Variants in C8orf34 observed in about 807,000 individuals in gnomAD.
The protein encoded by C8orf34 is chromosome 8 open reading frame 34.
A neutral mutation model predicts 68.3 loss-of-function variants in C8orf34; 65 were observed. The observed-to-expected ratio is 0.95, with a 90% CI of 0.78 to 1.17. The LOEUF is 1.17. Among genes scored for constraint, C8orf34 ranks in the 50% most tolerant of loss-of-function variants. C8orf34 has a pLI of 0.00. For missense variants in C8orf34, 664 were observed against 655.4 expected, an observed-to-expected ratio of 1.01 and a Z score of -0.14; for synonymous variants, 244 against 241.2, an observed-to-expected ratio of 1.01 and a Z score of -0.11.
chr8:68,457,971 G>A (rs1042770960), intron 3 of C8orf34, among the ~76,000 whole-genome samples: 9 of 151,750 alleles, frequency 5.9e-5, no homozygotes, highest in Non-Finnish European at 1.2e-4. Context: ...TCCAAAGACG[G>A]CATACCAGAC....
chr8:68,464,802 A>G (rs1283279466), intron 3 of C8orf34, among the ~76,000 whole-genome samples: 1 of 152,068 alleles, frequency 6.6e-6, no homozygotes, highest in Non-Finnish European at 1.5e-5. Context: ...AATCAATTCA[A>G]GATGGATTAA....
At chr8:68,337,048 G>C (rs1004900875) in intron 1 of C8orf34, among the ~76,000 whole-genome samples, 6 of 152,152 alleles carry the variant, frequency 3.9e-5, no homozygotes, top group African/African-American at 1.4e-4. Context: ...AAAGTAGAAG[G>C]ATGATGGAAT....
At chr8:68,674,780 C>T (rs1026556152) in intron 8 of C8orf34, among the ~76,000 whole-genome samples, 6 of 152,076 alleles carry the variant, frequency 3.9e-5, no homozygotes, top group South Asian at 2.1e-4. Flanking sequence ...TCAATGTCCA[C>T]GTACAAGAAG....
Position 68,551,995 on chromosome 8 carries a change from C to A in C8orf34, c.1105+18846C>A, listed in dbSNP as rs565062244. ...CAATTTGTCAAAAGATGAATTTTTTCCATTGAATTTGCTTGGTATTCTTGT... is the reference window on the plus strand; with the variant it reads ...CAATTTGTCAAAAGATGAATTTTTTACATTGAATTTGCTTGGTATTCTTGT... On this transcript the variant is annotated intron_variant, in intron 7 of 13. Coordinates refer to ENST00000518698, the MANE Select transcript of C8orf34 (RefSeq NM_052958.4). Among the ~76,000 whole-genome samples, 4 of 152,144 alleles carry A rather than the reference C, an allele frequency of 2.6e-5. No homozygotes were observed. In the East Asian group the frequency reaches 7.7e-4, roughly 29 times the overall value.
chr8:68,529,605 T>A (rs1040870560), intron 6 of C8orf34, among the ~76,000 whole-genome samples: 1 of 152,142 alleles, frequency 6.6e-6, no homozygotes, highest in Non-Finnish European at 1.5e-5. Flanking sequence ...ACAGACCCTC[T>A]GGAATGTATT....
chr8:68,785,672 C>T (rs1203792272), intron 11 of C8orf34, among the ~76,000 whole-genome samples: 1 of 152,128 alleles, frequency 6.6e-6, no homozygotes, highest in African/African-American at 2.4e-5. Flanking sequence ...TTCTTGGATT[C>T]CCCAACTTCC....
chr8:68,664,147 T>C (rs1432627780), intron 8 of C8orf34, among the ~76,000 whole-genome samples: 1 of 152,154 alleles, frequency 6.6e-6, no homozygotes, highest in African/African-American at 2.4e-5. Context: ...AAACTTCCTT[T>C]TCCTTGGTCA....
At chr8:68,367,675 C>T (rs866000197) in intron 1 of C8orf34, among the ~76,000 whole-genome samples, 30 of 142,154 alleles carry the variant, frequency 2.1e-4, no homozygotes, top group African/African-American at 8.0e-4. Context: ...CACATATTCT[C>T]ACTCATAGGT....
At chr8:68,434,839 G>A (rs1463344827) in intron 1 of C8orf34, among the ~76,000 whole-genome samples, 2 of 152,194 alleles carry the variant, frequency 1.3e-5, no homozygotes, top group East Asian at 1.9e-4. Flanking sequence ...AAGGTCAGGA[G>A]TTCAAGACCA....
chr8:68,517,937 T>C (rs968423229), intron 5 of C8orf34, among the ~76,000 whole-genome samples: 1 of 152,228 alleles, frequency 6.6e-6, no homozygotes, highest in African/African-American at 2.4e-5. Flanking sequence ...CTTTATAGGA[T>C]GAAAATCTGC....
At chr8:68,747,756 A>C (rs1442202485) in intron 10 of C8orf34, among the ~76,000 whole-genome samples, 1 of 151,738 alleles carries the variant, frequency 6.6e-6, no homozygotes, top group Non-Finnish European at 1.5e-5. Context: ...AAATGGAAGA[A>C]CATTCCATGC....
intron 8 of C8orf34, among the ~76,000 whole-genome samples, chr8:68,704,395 C>G (rs1475661481): frequency 2.0e-5 from 3 of 151,996 alleles, no homozygotes; most frequent in African/African-American, 7.2e-5. Context: ...AATAACAAAA[C>G]ACCTGAAAAA....
chr8:68,612,665 T>C (rs952499929), intron 7 of C8orf34, among the ~76,000 whole-genome samples: 4 of 152,152 alleles, frequency 2.6e-5, no homozygotes, highest in African/African-American at 7.2e-5. Context: ...AATATGGCAC[T>C]AGGCATACAA....
intron 1 of C8orf34, among the ~76,000 whole-genome samples, chr8:68,334,940 A>G (rs995343757): frequency 6.6e-6 from 1 of 152,188 alleles, no homozygotes; most frequent in Non-Finnish European, 1.5e-5. Context: ...CCATGTATGC[A>G]ACCCTGAACT....
intron 9 of C8orf34, among the ~76,000 whole-genome samples, chr8:68,716,853 G>T (rs1268167087): frequency 2.0e-5 from 3 of 151,864 alleles, no homozygotes; most frequent in Non-Finnish European, 4.4e-5. Flanking sequence ...ATAGGGAAAT[G>T]GATAAATTGT....
At chr8:68,442,344 A>T (rs1304875304) in intron 2 of C8orf34, among the ~76,000 whole-genome samples, 13 of 152,172 alleles carry the variant, frequency 8.5e-5, no homozygotes, top group Admixed American at 7.9e-4. Context: ...ATTATTATTA[A>T]TTAATCATGG....
At chr8:68,410,085 T>C (rs1809380089) in intron 1 of C8orf34, among the ~76,000 whole-genome samples, 1 of 152,188 alleles carries the variant, frequency 6.6e-6, no homozygotes, top group Non-Finnish European at 1.5e-5. Flanking sequence ...TCTCAGAATG[T>C]ATCCCTATTA....
intron 1 of C8orf34, among the ~76,000 whole-genome samples, chr8:68,400,822 C>G (rs1004024709): frequency 2.0e-5 from 3 of 152,132 alleles, no homozygotes; most frequent in African/African-American, 7.2e-5. Context: ...CAGCTTTGTT[C>G]TTTTTGCTTA....
intron 12 of C8orf34, among the ~76,000 whole-genome samples, chr8:68,812,991 C>G (rs1563683823): frequency 6.6e-6 from 1 of 152,180 alleles, no homozygotes. Context: ...TTGCAATGAA[C>G]ATGGTGCATC....
Sources: gnomAD v4.1 joint callset for allele counts (sites outside exome capture counted in the v4.1 genomes callset) on GRCh38, gnomAD v4.1.1 for gene constraint, MANE v1.5 for transcripts, NCBI Gene and HGNC (gene_info 2026-07-23, HGNC 2026-07-21) for gene names.